Variants in SEMA5A observed in about 807,000 individuals in gnomAD.
SEMA5A encodes the protein semaphorin 5A.
Under a neutral mutation model 135.5 loss-of-function variants are expected in SEMA5A, and 55 were observed. The ratio of observed to expected loss-of-function variants is 0.41; its 90% CI spans 0.33 to 0.51. The LOEUF (loss-of-function observed/expected upper bound fraction) is 0.51, where lower values mean the gene tolerates loss of function less well. SEMA5A is among the 20% of genes least tolerant of loss of function. The probability of loss-of-function intolerance (pLI) is 0.37; values close to 1 mark genes in which losing one functional copy is unlikely to be tolerated. For synonymous variants in SEMA5A, 580 were observed against 546.5 expected (o/e 1.06, Z -0.85); for missense variants, 1,290 against 1,419.9 (o/e 0.91, Z 1.47).
intron 21 of SEMA5A, chr5:9,045,674 A>T (rs144097426): frequency 6.6e-6 from 1 of 152,314 alleles, no homozygotes; most frequent in East Asian, 1.9e-4. Context: ...AAAATGGTTT[A>T]CTAAAAAGAA....
At chr5:9,234,322 G>A (rs1221632697) in intron 6 of SEMA5A, among the ~76,000 whole-genome samples, 1 of 152,192 alleles carries the variant, frequency 6.6e-6, no homozygotes, top group Non-Finnish European at 1.5e-5. Context: ...CAGGAGCTGG[G>A]CTTGGTCAGC....
intron 6 of SEMA5A, among the ~76,000 whole-genome samples, chr5:9,229,392 A>G (rs1747493241): frequency 6.6e-6 from 1 of 152,184 alleles, no homozygotes; most frequent in Non-Finnish European, 1.5e-5. Flanking sequence ...AAAAGACTTC[A>G]AAGAACCACA....
chr5:9,187,736 T>C (rs972071656), intron 11 of SEMA5A, among the ~76,000 whole-genome samples: 2 of 152,222 alleles, frequency 1.3e-5, no homozygotes, highest in African/African-American at 2.4e-5. Flanking sequence ...ATCAGGTTTG[T>C]GGAACAATAA....
intron 1 of SEMA5A, among the ~76,000 whole-genome samples, chr5:9,512,296 T>G (rs1736248960): frequency 1.3e-5 from 2 of 152,218 alleles, no homozygotes; most frequent in South Asian, 2.1e-4. Flanking sequence ...CATTTCCTTT[T>G]TATTATATAT....
intron 1 of SEMA5A, among the ~76,000 whole-genome samples, chr5:9,441,903 C>A (rs990119066): frequency 6.6e-6 from 1 of 152,186 alleles, no homozygotes; most frequent in African/African-American, 2.4e-5. Context: ...GATGAGACTT[C>A]ATCCAAAGGA....
chr5:9,364,667 T>G (rs527878274), intron 3 of SEMA5A, among the ~76,000 whole-genome samples: 35 of 152,344 alleles, frequency 2.3e-4, no homozygotes, highest in African/African-American at 8.4e-4. Flanking sequence ...TTAATTATAA[T>G]TTCTACAATT....
intron 3 of SEMA5A, among the ~76,000 whole-genome samples, chr5:9,378,691 G>A (rs1348145188): frequency 6.6e-6 from 1 of 152,208 alleles, no homozygotes; most frequent in Non-Finnish European, 1.5e-5. Context: ...TATTAAAAGA[G>A]ACTCAAGAAA....
chr5:9,541,565 A>G (rs1021208776), intron 1 of SEMA5A, among the ~76,000 whole-genome samples: 1 of 152,214 alleles, frequency 6.6e-6, no homozygotes, highest in East Asian at 1.9e-4. Context: ...GGAAAAAAAG[A>G]GTTTAAAAAC....
chr5:9,181,669 G>A (rs1407250135), intron 11 of SEMA5A, among the ~76,000 whole-genome samples: 1 of 152,154 alleles, frequency 6.6e-6, no homozygotes, highest in African/African-American at 2.4e-5. Context: ...GATTGGGGAT[G>A]GGATTGATAG....
chr5:9,086,700 C>A (rs563332302), intron 16 of SEMA5A, among the ~76,000 whole-genome samples: 3 of 152,192 alleles, frequency 2.0e-5, no homozygotes, highest in Admixed American at 6.5e-5. Context: ...AATCTGCAAG[C>A]AGAATAAATG....
intron 5 of SEMA5A, among the ~76,000 whole-genome samples, chr5:9,286,893 C>T (rs1436420412): frequency 6.6e-6 from 1 of 152,240 alleles, no homozygotes; most frequent in Non-Finnish European, 1.5e-5. Flanking sequence ...GGGCCGGGCT[C>T]CTTCTGCACC....
At chr5:9,394,272 C>A (rs1468271218) in intron 2 of SEMA5A, among the ~76,000 whole-genome samples, 1 of 152,142 alleles carries the variant, frequency 6.6e-6, no homozygotes, top group African/African-American at 2.4e-5. Context: ...ATTTTAGAAC[C>A]TTATCCATTC....
At chr5:9,291,640 T>A (rs1751085908) in intron 5 of SEMA5A, among the ~76,000 whole-genome samples, 1 of 151,736 alleles carries the variant, frequency 6.6e-6, no homozygotes, top group African/African-American at 2.4e-5. Context: ...CAGAGACAGA[T>A]ACCAAGGAGC....
intron 13 of SEMA5A, among the ~76,000 whole-genome samples, chr5:9,125,024 T>A (rs1741030389): frequency 6.6e-6 from 1 of 152,242 alleles, no homozygotes; most frequent in Admixed American, 6.5e-5. Context: ...TACTTCGCCA[T>A]TTCAGAATAA....
intron 1 of SEMA5A, among the ~76,000 whole-genome samples, chr5:9,516,050 A>G (rs1032556728): frequency 6.6e-6 from 1 of 152,232 alleles, no homozygotes; most frequent in Admixed American, 6.5e-5. Context: ...TAGCCCAGGT[A>G]CCATGTGCTT....
chr5:9,236,295 T>A (rs2150447776), intron 6 of SEMA5A, among the ~76,000 whole-genome samples: 1 of 152,254 alleles, frequency 6.6e-6, no homozygotes, highest in Non-Finnish European at 1.5e-5. Context: ...CATCAGTGAA[T>A]CTTACTAGTT....
At chr5:9,469,537 A>C (rs1008537737) in intron 1 of SEMA5A, among the ~76,000 whole-genome samples, 6 of 151,978 alleles carry the variant, frequency 3.9e-5, no homozygotes, top group African/African-American at 1.5e-4. Flanking sequence ...CACATTTGAG[A>C]AAAATGAGGC....
At chr5:9,447,114 C>T (rs1285816981) in intron 1 of SEMA5A, among the ~76,000 whole-genome samples, 1 of 152,174 alleles carries the variant, frequency 6.6e-6, no homozygotes, top group Non-Finnish European at 1.5e-5. Context: ...AAAAACAGAA[C>T]AGGCAGTAGA....
intron 1 of SEMA5A, among the ~76,000 whole-genome samples, chr5:9,465,831 G>T (rs565286356): frequency 1.3e-5 from 2 of 152,202 alleles, no homozygotes; most frequent in Non-Finnish European, 2.9e-5. Context: ...ACTGTTTTGG[G>T]TCCTTGGGAA....
Sources: gnomAD v4.1 joint callset for allele counts (sites outside exome capture counted in the v4.1 genomes callset) on GRCh38, gnomAD v4.1.1 for gene constraint, MANE v1.5 for transcripts, NCBI Gene and HGNC (gene_info 2026-07-23, HGNC 2026-07-21) for gene names.